Variants in FSTL1 observed in about 807,000 individuals in gnomAD.
FSTL1 encodes follistatin like 1, also known as follistatin-related protein 1.
In FSTL1, 24 loss-of-function variants were observed where a neutral mutation model predicts 45.9. That is an observed-to-expected ratio of 0.52 (90% confidence interval 0.38 to 0.74). FSTL1 has a LOEUF of 0.74. Ranked by LOEUF, FSTL1 falls within the 30% of genes least tolerant of loss-of-function variation. The probability of loss-of-function intolerance (pLI) is 0.00; values close to 1 mark genes in which losing one functional copy is unlikely to be tolerated. For synonymous variants in FSTL1, 120 were observed against 137.6 expected (o/e 0.87, Z 0.89); for missense variants, 340 against 381.8 (o/e 0.89, Z 0.91).
At chr3:120,450,237 G>A (rs560750894) in intron 2 of FSTL1, among the ~76,000 whole-genome samples, 2 of 152,288 alleles carry the variant, frequency 1.3e-5, no homozygotes, top group South Asian at 4.2e-4. Flanking sequence ...TTAAAAGAGA[G>A]AAAGGAAAAT....
At chr3:120,399,998 G>A in intron 9 of FSTL1, 39 bp from the exon 10 acceptor site, 1 of 1,402,394 alleles carries the variant, frequency 7.1e-7, no homozygotes, top group Non-Finnish European at 1.0e-6. Flanking sequence ...TAGCAGCTGT[G>A]GTAAGCCAGT....
intron 2 of FSTL1, among the ~76,000 whole-genome samples, chr3:120,446,714 A>G (rs529688130): frequency 6.6e-6 from 1 of 152,220 alleles, no homozygotes; most frequent in African/African-American, 2.4e-5. Flanking sequence ...TCTAAAGAAC[A>G]TAGAGGAGCT....
chr3:120,449,681 A>G (rs1323133647), intron 2 of FSTL1, among the ~76,000 whole-genome samples: 1 of 152,220 alleles, frequency 6.6e-6, no homozygotes, highest in Non-Finnish European at 1.5e-5. Context: ...GTATGCATTT[A>G]TGACTTTTTT....
At chr3:120,426,198 CA>C (rs1937376700) in intron 2 of FSTL1, among the ~76,000 whole-genome samples, 2 of 152,080 alleles carry the variant, frequency 1.3e-5, no homozygotes, top group Non-Finnish European at 2.9e-5. Flanking sequence ...CCAGTACCTT[CA>C]AATCAAAGAA....
intron 6 of FSTL1, among the ~76,000 whole-genome samples, chr3:120,406,919 C>G (rs536776517): frequency 3.9e-5 from 6 of 151,962 alleles, no homozygotes; most frequent in Non-Finnish European, 7.4e-5. Flanking sequence ...GGGATGGGAT[C>G]CAAATGTAAA....
rs80063304 is a variant in FSTL1, at chr3:120,424,051, C to T, written c.64-8024G>A. 13 of 152,272 alleles carry T rather than the reference C, an allele frequency of 8.5e-5. No individual in the cohort carries two copies. In the East Asian group the frequency reaches 2.5e-3, roughly 29 times the overall value. 9.4% of individuals were successfully genotyped at this position (152,272 alleles called of 1,614,324 possible). On this transcript the variant is annotated intron_variant, in intron 2 of 10. Coordinates refer to ENST00000295633, the MANE Select transcript of FSTL1 (RefSeq NM_007085.5). ...AATGGCCAAGGAAAATGATTTAAACCCATCAAAATGCTATTTGATGAATGC... is the reference window on the plus strand; with the variant it reads ...AATGGCCAAGGAAAATGATTTAAACTCATCAAAATGCTATTTGATGAATGC...
chr3:120,426,280 C>T (rs1937378235), intron 2 of FSTL1, among the ~76,000 whole-genome samples: 1 of 152,182 alleles, frequency 6.6e-6, no homozygotes, highest in African/African-American at 2.4e-5. Flanking sequence ...CCCTGCAGTG[C>T]CTGCCACATC....
chr3:120,440,912 G>A (rs928618709), intron 2 of FSTL1, among the ~76,000 whole-genome samples: 2 of 152,332 alleles, frequency 1.3e-5, no homozygotes, highest in Admixed American at 1.3e-4. Flanking sequence ...GGTACAGAGA[G>A]CTGGCTCCAG....
At chr3:120,399,017 A>C (rs1465250830) in intron 10 of FSTL1, among the ~76,000 whole-genome samples, 1 of 152,210 alleles carries the variant, frequency 6.6e-6, no homozygotes, top group East Asian at 1.9e-4. Context: ...TAAATGGGCA[A>C]TTACTATTAA....
At chr3:120,440,006 C>T (rs947146450) in intron 2 of FSTL1, among the ~76,000 whole-genome samples, 1 of 152,126 alleles carries the variant, frequency 6.6e-6, no homozygotes, top group Non-Finnish European at 1.5e-5. Flanking sequence ...CCCAGCTACT[C>T]TGGAGGCTGA....
In FSTL1 at chr3:120,393,004, A is replaced by T. The variant is rs1334337178; in HGVS notation, c.*3948T>A. ...TTTAATAATGTTGCACTTCCTGAAT[A>T]CATACATACTATAACAGCAGAAAAA... On this transcript the variant is annotated 3_prime_UTR_variant, in exon 11 of 11. Transcript: ENST00000295633. 6.6e-6 allele frequency: 1 copy of T among 152,226 alleles called. No homozygotes were observed. Among genetic ancestry groups the T allele is most frequent in the Non-Finnish European group, 1.5e-5 (1 of 68,048 alleles). 9.4% of individuals were successfully genotyped at this position (152,226 alleles called of 1,614,324 possible). A position where few individuals can be genotyped will look rare whatever the true frequency, so the allele number is the denominator to read the frequency against.
chr3:120,399,967 A>G lies in FSTL1; in HGVS notation c.806-8T>C. On this transcript the variant is annotated splice_region_variant and splice_polypyrimidine_tract_variant and intron_variant, in intron 9 of 10. Transcript: ENST00000295633. ...CCCCCTTCTGATTCTTTCCTGCAAG[A>G]AGAACCAAAGCTCAGAGCAGTAGCA... 1 of 1,595,298 alleles carries G rather than the reference A, an allele frequency of 6.3e-7. No homozygotes were observed. The highest frequency in any genetic ancestry group is 8.6e-7 in the Non-Finnish European group (1 of 1,166,824).
chr3:120,415,866 G>C, intron 3 of FSTL1, 57 bp downstream of exon 3: 1 of 978,900 alleles, frequency 1.0e-6, no homozygotes, highest in South Asian at 1.3e-5. Flanking sequence ...GGGTGGCTCC[G>C]CAAGGTACCA....
At chr3:120,417,499 T>A (rs1000992088) in intron 2 of FSTL1, among the ~76,000 whole-genome samples, 5 of 152,190 alleles carry the variant, frequency 3.3e-5, no homozygotes, top group African/African-American at 1.2e-4. Context: ...CAATTCTTTT[T>A]TGAATGTTGC....
At chr3:120,443,975 A>C (rs1937682797) in intron 2 of FSTL1, among the ~76,000 whole-genome samples, 1 of 150,110 alleles carries the variant, frequency 6.7e-6, no homozygotes, top group Admixed American at 6.6e-5. Flanking sequence ...AGCAGCTCTT[A>C]GAACTTTAGC....
intron 2 of FSTL1, among the ~76,000 whole-genome samples, chr3:120,424,799 C>CT (rs913972906): frequency 2.0e-5 from 3 of 151,996 alleles, no homozygotes; most frequent in African/African-American, 7.3e-5. Flanking sequence ...TTGTGTGTCT[C>CT]TATCAGAAAT....
chr3:120,444,572 C>T (rs1259747132), intron 2 of FSTL1, among the ~76,000 whole-genome samples: 1 of 149,804 alleles, frequency 6.7e-6, no homozygotes, highest in Non-Finnish European at 1.5e-5. Context: ...GCCTTGACAT[C>T]GTGACGATTC....
At chr3:120,443,175 G>T (rs1462373552) in intron 2 of FSTL1, among the ~76,000 whole-genome samples, 1 of 149,498 alleles carries the variant, frequency 6.7e-6, no homozygotes, top group African/African-American at 2.6e-5. Flanking sequence ...GCTGAAAAGG[G>T]CCCCAGCTGC....
chr3:120,402,462 AATT>A (rs1188738498), intron 9 of FSTL1, among the ~76,000 whole-genome samples: 7 of 151,778 alleles, frequency 4.6e-5, no homozygotes, highest in African/African-American at 1.7e-4. Flanking sequence ...TTAATGTTTT[AATT>A]ATTAAATAAT....
Sources: gnomAD v4.1 joint callset for allele counts (sites outside exome capture counted in the v4.1 genomes callset) on GRCh38, gnomAD v4.1.1 for gene constraint, MANE v1.5 for transcripts, NCBI Gene and HGNC (gene_info 2026-07-23, HGNC 2026-07-21) for gene names.